The following FRAS1 variants were observed in gnomAD, a reference collection of about 807,000 sequenced individuals.
FRAS1 encodes Fraser extracellular matrix complex subunit 1.
In FRAS1, 290 loss-of-function variants were observed where a neutral mutation model predicts 435.2. That is an observed-to-expected ratio of 0.67 (90% CI 0.61 to 0.73). The LOEUF (loss-of-function observed/expected upper bound fraction) is 0.73, where lower values mean the gene tolerates loss of function less well. Among genes scored for constraint, FRAS1 ranks in the 30% least tolerant of loss-of-function variants. The pLI is 0.00. For synonymous variants in FRAS1, 1,800 were observed against 1,851.0 expected (o/e 0.97, Z 0.71); for missense variants, 4,860 against 5,001.5 (o/e 0.97, Z 0.85).
chr4:78,429,042 GTCTC>G, intron 35 of FRAS1, 49 bp from the exon 36 acceptor site: 2 of 1,419,732 alleles, frequency 1.4e-6, no homozygotes, highest in Non-Finnish European at 1.9e-6. Flanking sequence ...GTGTGTGCGT[GTCTC>G]TGTGTGTGTG....
intron 2 of FRAS1, among the ~76,000 whole-genome samples, chr4:78,105,752 G>A (rs1742380250): frequency 6.6e-6 from 1 of 151,996 alleles, no homozygotes. Flanking sequence ...GAGCCAAGAT[G>A]GCCGAATAGG....
intron 18 of FRAS1, among the ~76,000 whole-genome samples, chr4:78,325,757 A>G (rs115386040): frequency 0.012 from 1,837 of 152,354 alleles, 33 homozygotes; most frequent in South Asian, 0.044. Context: ...AGCAGTAGTC[A>G]CAAGGGACTG....
chr4:78,311,764 T>A (rs2110226131), intron 15 of FRAS1, among the ~76,000 whole-genome samples: 1 of 152,344 alleles, frequency 6.6e-6, no homozygotes, highest in South Asian at 2.1e-4. Context: ...TCAAGAGGTG[T>A]AAAGAGTCAA....
intron 2 of FRAS1, among the ~76,000 whole-genome samples, chr4:78,124,503 G>A (rs919837207): frequency 1.3e-5 from 2 of 152,180 alleles, no homozygotes; most frequent in Non-Finnish European, 2.9e-5. Flanking sequence ...GAGTTAGGGA[G>A]GATTCTATCT....
chr4:78,267,112 G>A (rs2110155154), intron 8 of FRAS1, 129 bp from the exon 9 acceptor site: 1 of 980,684 alleles, frequency 1.0e-6, no homozygotes, highest in Non-Finnish European at 1.5e-6. Context: ...AAGGGACCCT[G>A]CCCATCGTGG....
intron 2 of FRAS1, among the ~76,000 whole-genome samples, chr4:78,213,329 T>C (rs1326724872): frequency 6.6e-6 from 1 of 152,268 alleles, no homozygotes; most frequent in African/African-American, 2.4e-5. Flanking sequence ...TTCTCCTCCT[T>C]CTGTCGTTCC....
rs1402609453 is a variant in FRAS1 at position 78,298,076 on chromosome 4, ATATTT to A, written c.1535-9987_1535-9983del. On this transcript the variant is annotated intron_variant, in intron 14 of 73. Coordinates refer to ENST00000512123, the MANE Select transcript of FRAS1 (RefSeq NM_025074.7). ...TATTACTAATCCTCTTTATATATAT[ATATTT>A]TAAGGTATATGACATGATATTATAA... 2.9e-4 allele frequency among the ~76,000 whole-genome samples: 43 copies of A among 147,148 alleles called. 2 individuals are homozygous for A. Among genetic ancestry groups the A allele is most frequent in the Admixed American group, 1.8e-3 (26 of 14,598 alleles).
Position 78,058,037 on chromosome 4 carries a change from C to T in FRAS1, c.28C>T (p.Leu10=). 6.2e-7 allele frequency: 1 copy of T among 1,613,950 alleles called. No homozygotes were observed. The highest frequency in any genetic ancestry group is 8.5e-7 in the Non-Finnish European group (1 of 1,179,880). MGVLKVWLG[L]ALALAEFAVL... ...GGGTGTCCTCAAAGTGTGGCTCGGGCTGGCCCTAGCGTTGGCGGAATTTGC... is the reference window on the plus strand; with the variant it reads ...GGGTGTCCTCAAAGTGTGGCTCGGGTTGGCCCTAGCGTTGGCGGAATTTGC... The change falls in exon 1 of 74, where the codon CTG becomes TTG. Residue 10 remains leucine, a synonymous_variant. Coordinates refer to ENST00000512123, the MANE Select transcript of FRAS1 (RefSeq NM_025074.7).
intron 2 of FRAS1, among the ~76,000 whole-genome samples, chr4:78,083,133 C>T (rs144622577): frequency 1.6e-4 from 24 of 152,194 alleles, no homozygotes; most frequent in African/African-American, 5.8e-4. Flanking sequence ...ATTACCTATT[C>T]TCACTATACC....
chr4:78,097,460 T>C (rs1424063130), intron 2 of FRAS1, among the ~76,000 whole-genome samples: 2 of 152,310 alleles, frequency 1.3e-5, no homozygotes, highest in Non-Finnish European at 2.9e-5. Context: ...AATAAAGACA[T>C]ACCTGAGGCT....
chr4:78,282,892 C>T lies in FRAS1; in HGVS notation c.1180C>T (p.Pro394Ser). The change falls in exon 12 of 74, where the codon CCC becomes TCC. Residue 394 changes from proline (P) to serine (S), a missense_variant. Coordinates refer to ENST00000512123, the MANE Select transcript of FRAS1 (RefSeq NM_025074.7). ...CRGAQVTCYE[P>S]SCPPCPVGTL... ...AGGGGCTCAGGTAACTTGCTACGAG[C>T]CCTCTTGCCCACCATGTCCAGTGGG... 6.2e-7 allele frequency: 1 copy of T among 1,612,338 alleles called. No individual in the cohort carries two copies. The highest frequency in any genetic ancestry group is 8.5e-7 in the Non-Finnish European group (1 of 1,179,432).
At chr4:78,296,622 ACT>A (rs1728156268) in intron 14 of FRAS1, among the ~76,000 whole-genome samples, 1 of 152,198 alleles carries the variant, frequency 6.6e-6, no homozygotes, top group Admixed American at 6.5e-5. Context: ...CAAGGAAAGA[ACT>A]GCTAAGTGTG....
chr4:78,292,757 C>T (rs545487279), intron 14 of FRAS1, among the ~76,000 whole-genome samples: 5 of 152,298 alleles, frequency 3.3e-5, no homozygotes, highest in African/African-American at 4.8e-5. Context: ...GTGTCACCTC[C>T]ATGGCCCTTG....
chr4:78,266,717 A>T, intron 7 of FRAS1, 117 bp from the exon 8 acceptor site: 1 of 735,954 alleles, frequency 1.4e-6, no homozygotes, highest in Non-Finnish European at 2.4e-6. Flanking sequence ...TCAAGAGTAC[A>T]TTCAATGTGG....
intron 26 of FRAS1, among the ~76,000 whole-genome samples, chr4:78,376,531 T>C (rs1049799943): frequency 2.6e-5 from 4 of 152,226 alleles, no homozygotes; most frequent in African/African-American, 9.6e-5. Context: ...TTTATTTATA[T>C]TTATATAAAT....
intron 2 of FRAS1, 135 bp from the exon 3 acceptor site, chr4:78,237,375 G>A: frequency 3.4e-6 from 2 of 596,070 alleles, no homozygotes; most frequent in East Asian, 2.8e-5. Flanking sequence ...TGCCCAGCAA[G>A]TACTGTGTGT....
At chr4:78,359,654 A>G (rs566120659) in intron 20 of FRAS1, among the ~76,000 whole-genome samples, 2 of 152,272 alleles carry the variant, frequency 1.3e-5, no homozygotes, top group Admixed American at 6.5e-5. Flanking sequence ...GGTGTTCAGC[A>G]TGACTTTTTA....
rs1189427124 is a variant in FRAS1, at chr4:78,454,805, T to C, written c.6763+2451T>C. The stretch of plus-strand genomic sequence containing the variant: ...AGAGTCCTGTTAGGGAGGCAGGGGC[T>C]CCAAATTTGCTTTTTCTGTTTTCAC... On this transcript the variant is annotated intron_variant, in intron 47 of 73. Coordinates refer to ENST00000512123, the MANE Select transcript of FRAS1 (RefSeq NM_025074.7). Among the ~76,000 whole-genome samples, 6 of 152,262 alleles carry C rather than the reference T, an allele frequency of 3.9e-5. No individual in the cohort carries two copies. In the East Asian group the frequency reaches 9.7e-4, roughly 25 times the overall value.
At chr4:78,198,760 A>G (rs1374127382) in intron 2 of FRAS1, among the ~76,000 whole-genome samples, 2 of 152,082 alleles carry the variant, frequency 1.3e-5, no homozygotes, top group African/African-American at 4.8e-5. Flanking sequence ...CACCTATTCA[A>G]CATGAAGATG....
Sources: allele counts gnomAD v4.1 joint callset (sites outside exome capture counted in the v4.1 genomes callset), GRCh38; gene constraint gnomAD v4.1.1; transcripts MANE v1.5; gene names NCBI Gene and HGNC (gene_info 2026-07-23, HGNC 2026-07-21).